Variants in RANBP2 observed in about 807,000 individuals in gnomAD.
The protein encoded by RANBP2 is E3 SUMO-protein ligase RanBP2.
RANBP2 carries 57 observed loss-of-function variants against 303.6 expected under a neutral mutation model. That is an observed-to-expected ratio of 0.19 (90% CI 0.15 to 0.23). RANBP2 has a LOEUF of 0.23. Among genes scored for constraint, RANBP2 ranks in the 10% least tolerant of loss-of-function variants. The probability of loss-of-function intolerance (pLI) is 1.00; values close to 1 mark genes in which losing one functional copy is unlikely to be tolerated. For missense variants in RANBP2, 3,138 were observed against 3,780.8 expected (o/e 0.83, Z 4.46); for synonymous variants, 1,167 against 1,301.5 (o/e 0.90, Z 2.23).
the RANBP2 span, among the ~76,000 whole-genome samples, chr2:108,975,441 G>A: frequency 1.3e-5 from 2 of 152,314 alleles, no homozygotes; most frequent in East Asian, 3.9e-4. Context: ...GATAGCGCCA[G>A]CACATGAGAG....
chr2:109,774,588 G>A, the RANBP2 span, among the ~76,000 whole-genome samples: 2 of 73,424 alleles, frequency 2.7e-5, no homozygotes, highest in Non-Finnish European at 4.6e-5. Flanking sequence ...AGCAGGTACA[G>A]TGAGGTATAT....
the RANBP2 span, among the ~76,000 whole-genome samples, chr2:109,369,024 T>C: frequency 2.0e-5 from 3 of 152,080 alleles, no homozygotes; most frequent in Admixed American, 1.3e-4. Context: ...GGCCCCACTC[T>C]AGTGTCCTCG....
At chr2:109,271,181 T>C in the RANBP2 span, among the ~76,000 whole-genome samples, 1 of 152,108 alleles carries the variant, frequency 6.6e-6, no homozygotes, top group Non-Finnish European at 1.5e-5. Flanking sequence ...GAGTATTTGC[T>C]AATGAGCAAA....
chr2:109,534,273 T>C, the RANBP2 span, among the ~76,000 whole-genome samples: 1 of 152,112 alleles, frequency 6.6e-6, no homozygotes, highest in Non-Finnish European at 1.5e-5. Flanking sequence ...GCAATTCTCA[T>C]CTAGCTCTGC....
the RANBP2 span, among the ~76,000 whole-genome samples, chr2:109,683,043 T>C: frequency 6.6e-6 from 1 of 152,196 alleles, no homozygotes; most frequent in African/African-American, 2.4e-5. Flanking sequence ...TCTTGCTCTG[T>C]TGCCCAGGCT....
intron 6 of RANBP2, among the ~76,000 whole-genome samples, chr2:108,736,506 C>T (rs1234830340): frequency 6.6e-6 from 1 of 152,152 alleles, no homozygotes; most frequent in African/African-American, 2.4e-5. Flanking sequence ...TGGTTAAATA[C>T]TCAGTTTTGT....
At chr2:109,518,751 T>C in the RANBP2 span, among the ~76,000 whole-genome samples, 1 of 152,058 alleles carries the variant, frequency 6.6e-6, no homozygotes, top group Non-Finnish European at 1.5e-5. Flanking sequence ...CCGGGTAATT[T>C]ATAAAGAAAG....
the RANBP2 span, chr2:109,614,664 C>G: frequency 6.8e-7 from 1 of 1,480,316 alleles, no homozygotes; most frequent in Non-Finnish European, 8.9e-7. Context: ...CTTCAAGGAG[C>G]TGGTGAACGC....
At chr2:109,182,686 G>T in the RANBP2 span, among the ~76,000 whole-genome samples, 1 of 152,188 alleles carries the variant, frequency 6.6e-6, no homozygotes, top group Non-Finnish European at 1.5e-5. Flanking sequence ...TTTGAGGCTA[G>T]GCTGGTATTT....
chr2:108,858,361 C>A, the RANBP2 span, among the ~76,000 whole-genome samples: 37 of 151,530 alleles, frequency 2.4e-4, no homozygotes, highest in African/African-American at 8.0e-4. Flanking sequence ...AACAAACAAA[C>A]AAAAAAAACA....
At chr2:109,584,480 A>G in the RANBP2 span, among the ~76,000 whole-genome samples, 2 of 151,426 alleles carry the variant, frequency 1.3e-5, no homozygotes, top group Non-Finnish European at 2.9e-5. Flanking sequence ...GTCTCAAAAA[A>G]AAAAAAAAAA....
the RANBP2 span, among the ~76,000 whole-genome samples, chr2:108,962,255 T>TTCA: frequency 6.6e-6 from 1 of 152,184 alleles, no homozygotes; most frequent in African/African-American, 2.4e-5. Flanking sequence ...TGAACCAACG[T>TTCA]TCATTCGCAG....
At chr2:108,750,878 C>T (rs2949976) in intron 9 of RANBP2, among the ~76,000 whole-genome samples, 1 of 152,146 alleles carries the variant, frequency 6.6e-6, no homozygotes, top group African/African-American at 2.4e-5. Context: ...TTTACTGTAC[C>T]GATGGATTAA....
At chr2:108,910,805 C>T in the RANBP2 span, 1 of 1,613,932 alleles carries the variant, frequency 6.2e-7, no homozygotes, top group Non-Finnish European at 8.5e-7. Flanking sequence ...CTCGTCCTTG[C>T]TCACTTGGGC....
In RANBP2 at chr2:108,719,627, C is replaced by G; in HGVS notation, c.21C>G (p.Asp7Glu). 7 of 1,607,872 alleles carry G rather than the reference C, an allele frequency of 4.4e-6. No individual in the cohort carries two copies. Among genetic ancestry groups the G allele is most frequent in the Non-Finnish European group, 5.9e-6 (7 of 1,178,320 alleles). ...GCGCGATGAGGCGCAGCAAGGCTGA[C>G]GTGGAGCGGTACATCGCCTCGGTGC... Reference protein sequence around the residue: MRRSKADVERYIASVQG... With the variant: MRRSKAEVERYIASVQG... The change falls in exon 1 of 29, where the codon GAC becomes GAG. Residue 7 changes from aspartate (D) to glutamate (E), a missense_variant. Physicochemically the swap from Asp to Glu is conservative, Grantham distance 45. Around this residue, in one of 20 missense-constraint regions of RANBP2, gnomAD observed 306 missense variants for 381.9 expected, o/e 0.80. Coordinates refer to ENST00000283195, the MANE Select transcript of RANBP2 (RefSeq NM_006267.5).
At chr2:109,647,266 C>T in the RANBP2 span, among the ~76,000 whole-genome samples, 108 of 144,300 alleles carry the variant, frequency 7.5e-4, no homozygotes, top group African/African-American at 2.7e-3. Flanking sequence ...TGGGTTCAAG[C>T]GATTCTTCTG....
chr2:109,281,372 T>C, the RANBP2 span, among the ~76,000 whole-genome samples: 2 of 152,026 alleles, frequency 1.3e-5, no homozygotes, highest in Non-Finnish European at 2.9e-5. Flanking sequence ...ACTTGGAAAG[T>C]GAGGAGAGGG....
At chr2:108,898,999 A>G in the RANBP2 span, among the ~76,000 whole-genome samples, 1 of 152,206 alleles carries the variant, frequency 6.6e-6, no homozygotes. Flanking sequence ...GTGGGACTAA[A>G]TAAATACTCA....
At chr2:109,425,722 ATTACTGCTCAT>A in the RANBP2 span, among the ~76,000 whole-genome samples, 1 of 151,868 alleles carries the variant, frequency 6.6e-6, no homozygotes, top group Non-Finnish European at 1.5e-5. Flanking sequence ...CTTTTAAAAT[ATTACTGCTCAT>A]TGCCAGTGTA....
Sources: gnomAD v4.1 joint callset for allele counts (sites outside exome capture counted in the v4.1 genomes callset) on GRCh38, gnomAD v4.1.1 for gene constraint, gnomAD v4.1.1 regional missense constraint, MANE v1.5 for transcripts, NCBI Gene and HGNC (gene_info 2026-07-23, HGNC 2026-07-21) for gene names.